Variants in UTP18 observed in about 807,000 individuals in gnomAD.
UTP18 encodes U3 small nucleolar RNA-associated protein 18 homolog.
In UTP18, 36 loss-of-function variants were observed where a neutral mutation model predicts 61.1. That is an observed-to-expected ratio of 0.59 (90% CI 0.45 to 0.78). The LOEUF (loss-of-function observed/expected upper bound fraction) is 0.78, where lower values mean the gene tolerates loss of function less well. Among genes scored for constraint, UTP18 ranks in the 30% least tolerant of loss-of-function variants. The pLI is 0.00. For missense variants in UTP18, 753 were observed against 693.9 expected, an observed-to-expected ratio of 1.09 and a Z score of -0.96; for synonymous variants, 282 against 251.1, an observed-to-expected ratio of 1.12 and a Z score of -1.16.
intron 13 of UTP18, 69 bp downstream of exon 13, chr17:51,297,072 G>A (rs1445107190): frequency 1.2e-5 from 16 of 1,341,012 alleles, no homozygotes; most frequent in Non-Finnish European, 1.7e-5. Context: ...GTTGGTGGAA[G>A]CAGCACATTA....
At chr17:51,283,271 C>A (rs1478146807) in intron 9 of UTP18, among the ~76,000 whole-genome samples, 2 of 151,636 alleles carry the variant, frequency 1.3e-5, no homozygotes, top group Non-Finnish European at 2.9e-5. Context: ...TGGGTTCCAG[C>A]AATTCTCCTG....
chr17:51,268,999 A>G (rs935688509), intron 4 of UTP18, 95 bp downstream of exon 4: 12 of 1,314,176 alleles, frequency 9.1e-6, no homozygotes, highest in African/African-American at 8.8e-5. Flanking sequence ...AAAACCTGGC[A>G]TTTCTTGCCT....
chr17:51,268,747 G>A, intron 3 of UTP18, 90 bp from the exon 4 acceptor site: 1 of 1,012,746 alleles, frequency 9.9e-7, no homozygotes, highest in Non-Finnish European at 1.5e-6. Flanking sequence ...GTATTCTCAA[G>A]GGTGATTCAA....
intron 12 of UTP18, 41 bp from the exon 13 acceptor site, chr17:51,296,924 A>G (rs1905382387): frequency 6.3e-7 from 1 of 1,585,364 alleles, no homozygotes; most frequent in Admixed American, 1.8e-5. Flanking sequence ...ACTGTGGGTA[A>G]TTACAAAGTT....
chr17:51,286,711 C>G (rs1438699308), intron 10 of UTP18, among the ~76,000 whole-genome samples: 1 of 152,176 alleles, frequency 6.6e-6, no homozygotes, highest in African/African-American at 2.4e-5. Context: ...TCAGCACAAG[C>G]CAAGCATTTA....
intron 4 of UTP18, 39 bp from the exon 5 acceptor site, chr17:51,273,323 T>C (rs1443544794): frequency 2.0e-6 from 3 of 1,527,956 alleles, no homozygotes; most frequent in African/African-American, 1.4e-5. Flanking sequence ...GGCAGCTCAT[T>C]GATTCTAAAG....
intron 7 of UTP18, 139 bp downstream of exon 7, chr17:51,277,443 T>G (rs554333256): frequency 1.0e-6 from 1 of 988,372 alleles, no homozygotes; most frequent in East Asian, 2.6e-5. Flanking sequence ...GAAAATGTCT[T>G]TGTGCTTTTG....
chr17:51,261,230 C>A (rs959101089), intron 1 of UTP18, among the ~76,000 whole-genome samples: 10 of 152,246 alleles, frequency 6.6e-5, no homozygotes, highest in African/African-American at 2.4e-4. Flanking sequence ...CCGCTAGCCT[C>A]TTCCCAAACT....
At chr17:51,270,684 AAG>A (rs746100556) in intron 4 of UTP18, among the ~76,000 whole-genome samples, 14 of 152,294 alleles carry the variant, frequency 9.2e-5, no homozygotes, top group East Asian at 7.7e-4. Context: ...TAGGAGGAGA[AAG>A]AGGGGATTTT....
rs1439102422 is a variant in UTP18, at chr17:51,280,377, T to G, written c.1114-12T>G. 2 of 1,611,556 alleles carry G rather than the reference T, an allele frequency of 1.2e-6. No homozygotes were observed. The highest frequency in any genetic ancestry group is 1.7e-6 in the Non-Finnish European group (2 of 1,178,416). On this transcript the variant is annotated splice_polypyrimidine_tract_variant and intron_variant, in intron 8 of 13. Coordinates refer to ENST00000225298, the MANE Select transcript of UTP18 (RefSeq NM_016001.3). ...TTTCTAACAGTTTGATAAATAATATTTATTGTTTTAGACCAAAGAACTGAT... is the reference window on the plus strand; with the variant it reads ...TTTCTAACAGTTTGATAAATAATATGTATTGTTTTAGACCAAAGAACTGAT...
At chr17:51,280,593 C>T in intron 9 of UTP18, 114 bp downstream of exon 9, 1 of 897,994 alleles carries the variant, frequency 1.1e-6, no homozygotes, top group Non-Finnish European at 1.8e-6. Flanking sequence ...ATGGGCAGAT[C>T]ACTTGAGGTC....
chr17:51,275,151 T>C, intron 5 of UTP18, among the ~76,000 whole-genome samples: 1 of 149,102 alleles, frequency 6.7e-6, no homozygotes, highest in East Asian at 2.0e-4. Context: ...GAGTCGAGAT[T>C]ACGCCATTGC....
intron 2 of UTP18, 100 bp from the exon 3 acceptor site, chr17:51,266,082 A>G (rs542077827): frequency 3.2e-4 from 271 of 850,412 alleles, no homozygotes; most frequent in Non-Finnish European, 3.7e-4. Context: ...ATCTTGACCT[A>G]TATTGTTTCA....
intron 9 of UTP18, among the ~76,000 whole-genome samples, chr17:51,281,130 T>G (rs1904903551): frequency 6.8e-6 from 1 of 147,798 alleles, no homozygotes; most frequent in Non-Finnish European, 1.5e-5. Flanking sequence ...TGAGCTGAGA[T>G]CACGTCTCAA....
In UTP18 at chr17:51,286,403, C is replaced by A. The variant is rs1449343115; in HGVS notation, c.1328+1035C>A. ...CATGAAATGATTTCAGTCAAATCCT[C>A]CCTGGGATGGGAAGTCAAGGGGTCT... is the stretch of plus-strand genomic sequence containing the variant. On this transcript the variant is annotated intron_variant, in intron 10 of 13. Transcript: ENST00000225298. The A allele has an allele frequency of 1.1e-4, 48 of 446,882 alleles. 2 individuals carry two copies. Among genetic ancestry groups the A allele is most frequent in the South Asian group, 7.1e-4 (45 of 63,392 alleles). 27.7% of individuals were successfully genotyped at this position (446,882 alleles called of 1,614,324 possible). A position where few individuals can be genotyped will look rare whatever the true frequency, so the allele number is the denominator to read the frequency against.
chr17:51,281,517 T>C (rs898648851), intron 9 of UTP18, among the ~76,000 whole-genome samples: 2 of 152,126 alleles, frequency 1.3e-5, no homozygotes, highest in African/African-American at 4.8e-5. Flanking sequence ...TTAACATTCT[T>C]GAAATGATGA....
intron 12 of UTP18, among the ~76,000 whole-genome samples, chr17:51,294,445 C>A (rs145082102): frequency 6.7e-6 from 1 of 149,640 alleles, no homozygotes; most frequent in Non-Finnish European, 1.5e-5. Flanking sequence ...TGAGAACATG[C>A]GGTGTTTGGT....
Position 51,260,611 on chromosome 17 carries a change from G to C in UTP18, c.27G>C (p.Met9Ile). MPPERRRR[M>I]KLDRRTGAKP... is the part of the protein sequence containing the mutation. Reference sequence around the variant, plus strand: ...TGCCGCCGGAGCGGAGGAGACGAATGAAACTGGACCGGAGAACCGGAGCGA... The same window carrying C: ...TGCCGCCGGAGCGGAGGAGACGAATCAAACTGGACCGGAGAACCGGAGCGA... Residue 9 changes from methionine to isoleucine, a missense_variant, in exon 1 of 14, where the codon ATG becomes ATC. Met to Ile is a conservative substitution (Grantham distance 10). Transcript: ENST00000225298. 6.2e-7 allele frequency: 1 copy of C among 1,612,678 alleles called. No homozygotes were observed. Among genetic ancestry groups the C allele is most frequent in the Non-Finnish European group, 8.5e-7 (1 of 1,179,696 alleles).
chr17:51,288,617 G>A, intron 11 of UTP18: 1 of 456,264 alleles, frequency 2.2e-6, no homozygotes, highest in South Asian at 1.5e-5. Flanking sequence ...AAATTAAATT[G>A]TATAAAAGTA....
Sources: gnomAD v4.1 joint callset for allele counts (sites outside exome capture counted in the v4.1 genomes callset) on GRCh38, gnomAD v4.1.1 for gene constraint, MANE v1.5 for transcripts, NCBI Gene and HGNC (gene_info 2026-07-23, HGNC 2026-07-21) for gene names.